CLCN3: variants seen among roughly 807,000 people sequenced by gnomAD.
The protein encoded by CLCN3 is Cl-/H+ antiporter 3.
Under a neutral mutation model 83.4 loss-of-function variants are expected in CLCN3, and 16 were observed. That is an observed-to-expected ratio of 0.19 (90% CI 0.13 to 0.29). The LOEUF (loss-of-function observed/expected upper bound fraction) is 0.29. Among genes scored for constraint, CLCN3 ranks in the 10% least tolerant of loss-of-function variants. The pLI is 1.00. For synonymous variants in CLCN3, 322 were observed against 346.2 expected, an observed-to-expected ratio of 0.93 and a Z score of 0.78; for missense variants, 544 against 1,006.0, an observed-to-expected ratio of 0.54 and a Z score of 6.21.
Position 169,636,735 on chromosome 4 carries a change from G to GTTGTTTT in CLCN3, c.160+649_160+650insGTTTTTT, listed in dbSNP as rs1553965336. 1.2e-3 allele frequency among the ~76,000 whole-genome samples: 139 copies of GTTGTTTT among 119,482 alleles called. 1 individual carries two copies. Among genetic ancestry groups the GTTGTTTT allele is most frequent in the East Asian group, 2.1e-3 (9 of 4,252 alleles). 78.4% of individuals were successfully genotyped at this position (119,482 alleles called of 152,430 possible). A position where few individuals can be genotyped will look rare whatever the true frequency, so the allele number is the denominator to read the frequency against. On this transcript the variant is annotated intron_variant, in intron 2 of 12. Transcript: ENST00000513761. The stretch of plus-strand genomic sequence containing the variant: ...TTCTACACTGATATTTCATTATTTG[G>GTTGTTTT]TTTTTTTTTTTTTTTTCATATTTTG...
chr4:169,704,089 A>G lies in CLCN3; in HGVS notation c.1655A>G (p.His552Arg), dbSNP rs1218902825. 1 of 1,613,960 alleles carries G rather than the reference A, an allele frequency of 6.2e-7. No homozygotes were observed. The highest frequency in any genetic ancestry group is 8.5e-7 in the Non-Finnish European group (1 of 1,180,004). Residue 552 changes from histidine (H) to arginine (R), a missense_variant, in exon 10 of 13, where the codon CAC (histidine) becomes CGC (arginine). Physicochemically the swap from His to Arg is conservative, Grantham distance 29. This residue lies in a region of CLCN3 where 194 missense variants were observed against 341.4 expected (regional missense o/e 0.57). Coordinates refer to ENST00000513761, the MANE Select transcript of CLCN3 (RefSeq NM_001829.4). ...GIAVEQLAYYHHDWFIFKEWC... is the reference protein window; with the variant it reads ...GIAVEQLAYYRHDWFIFKEWC... ...GCGGTGGAGCAGCTTGCCTACTATCACCACGACTGGTTTATCTTTAAGGAG... is the reference window on the plus strand; with the variant it reads ...GCGGTGGAGCAGCTTGCCTACTATCGCCACGACTGGTTTATCTTTAAGGAG...
At chr4:169,690,727 T>TTAC in intron 6 of CLCN3, 75 bp downstream of exon 6, 1 of 1,440,110 alleles carries the variant, frequency 6.9e-7, no homozygotes, top group Non-Finnish European at 9.4e-7. Flanking sequence ...ATAATAAAAG[T>TTAC]TGGCTTTTCT....
At chr4:169,655,521 G>T (rs1730855008) in intron 2 of CLCN3, among the ~76,000 whole-genome samples, 1 of 152,126 alleles carries the variant, frequency 6.6e-6, no homozygotes, top group Admixed American at 6.6e-5. Flanking sequence ...CTAAGATGGG[G>T]TCTTGCTCTA....
rs1345139986 is a variant in CLCN3, at chr4:169,708,618, G to T, written c.2149+1352G>T. 1.3e-5 allele frequency among the ~76,000 whole-genome samples: 2 copies of T among 152,032 alleles called. 1 individual carries two copies. Among genetic ancestry groups the T allele is most frequent in the East Asian group, 3.8e-4 (2 of 5,202 alleles). On this transcript the variant is annotated intron_variant, in intron 11 of 12. Transcript: ENST00000513761. ...AAAAGAAAAAGGAGGTCAGAATTTC[G>T]GTATTTACATAGAAATTTAAGGGGA...
Position 169,721,317 on chromosome 4 carries a change from G to T in CLCN3, c.*1320G>T, listed in dbSNP as rs975738189. ...GAGATATGAACAAAGTTTACAGTGG[G>T]AACAAAGGTTTAAAAAAAGGTTGTG... On this transcript the variant is annotated 3_prime_UTR_variant, in exon 13 of 13. Coordinates refer to ENST00000513761, the MANE Select transcript of CLCN3 (RefSeq NM_001829.4). 6.6e-6 allele frequency: 1 copy of T among 152,124 alleles called. No individual in the cohort carries two copies. Among genetic ancestry groups the T allele is most frequent in the Admixed American group, 6.6e-5 (1 of 15,262 alleles). 9.4% of individuals were successfully genotyped at this position (152,124 alleles called of 1,614,324 possible). A position where few individuals can be genotyped will look rare whatever the true frequency, so the allele number is the denominator to read the frequency against.
chr4:169,632,623 A>T (rs1369618526), intron 1 of CLCN3, among the ~76,000 whole-genome samples: 1 of 150,128 alleles, frequency 6.7e-6, no homozygotes, highest in African/African-American at 2.4e-5. Context: ...AGGCTGAGGC[A>T]GAAGAATGGC....
chr4:169,685,988 G>A (rs908646490), intron 3 of CLCN3, among the ~76,000 whole-genome samples: 10 of 152,084 alleles, frequency 6.6e-5, no homozygotes, highest in Middle Eastern at 3.2e-3. Context: ...AAATAGACCC[G>A]ATTCTTGAAA....
intron 2 of CLCN3, among the ~76,000 whole-genome samples, chr4:169,649,684 G>A (rs1426435858): frequency 6.6e-6 from 1 of 152,186 alleles, no homozygotes; most frequent in East Asian, 1.9e-4. Flanking sequence ...TGGTGCAAGA[G>A]CTTAATCATT....
At chr4:169,639,676 A>G (rs1371724326) in intron 2 of CLCN3, among the ~76,000 whole-genome samples, 1 of 152,224 alleles carries the variant, frequency 6.6e-6, no homozygotes, top group Non-Finnish European at 1.5e-5. Flanking sequence ...TTGGAGCCTC[A>G]CATTAGGTCT....
chr4:169,710,740 G>A (rs1042900342), intron 11 of CLCN3, among the ~76,000 whole-genome samples: 1 of 152,070 alleles, frequency 6.6e-6, no homozygotes, highest in African/African-American at 2.4e-5. Context: ...TACAGTGTTT[G>A]TTATTTTGTC....
chr4:169,622,533 A>G (rs1243243294), intron 1 of CLCN3, among the ~76,000 whole-genome samples: 1 of 152,188 alleles, frequency 6.6e-6, no homozygotes, highest in East Asian at 1.9e-4. Flanking sequence ...GTCAGCAGTG[A>G]TCTAAAATGT....
chr4:169,623,303 C>T lies in CLCN3; in HGVS notation c.-17+2240C>T, dbSNP rs999418586. Among the ~76,000 whole-genome samples, 10 of 152,098 alleles carry T rather than the reference C, an allele frequency of 6.6e-5. No homozygotes were observed. The East Asian group carries it at 9.6e-4, about 15-fold the overall frequency. ...GTTATATTTGTATGTGTGTTTATTC[C>T]GTTGTCCTCTTGAAAGCCTCTAGCA... is the stretch of plus-strand genomic sequence containing the variant. On this transcript the variant is annotated intron_variant, in intron 1 of 12. Transcript: ENST00000513761.
chr4:169,677,452 A>G (rs926546943), intron 2 of CLCN3, among the ~76,000 whole-genome samples: 1 of 152,232 alleles, frequency 6.6e-6, no homozygotes, highest in Non-Finnish European at 1.5e-5. Flanking sequence ...TGTGGCATCC[A>G]AAGCCTAAAA....
chr4:169,693,872 G>A (rs1000758174), intron 7 of CLCN3, among the ~76,000 whole-genome samples: 6 of 152,258 alleles, frequency 3.9e-5, no homozygotes, highest in African/African-American at 1.4e-4. Flanking sequence ...TGTCACCTTA[G>A]TGTATATATA....
At chr4:169,633,070 TG>T (rs1303921249) in intron 1 of CLCN3, among the ~76,000 whole-genome samples, 1 of 152,178 alleles carries the variant, frequency 6.6e-6, no homozygotes, top group Non-Finnish European at 1.5e-5. Context: ...TGGAGTGCAG[TG>T]GCATAATCTC....
intron 2 of CLCN3, among the ~76,000 whole-genome samples, chr4:169,662,231 A>G (rs563267557): frequency 4.0e-4 from 61 of 152,286 alleles, no homozygotes; most frequent in African/African-American, 1.5e-3. Context: ...TAGGATCTAA[A>G]TCAGTCCCAC....
Position 169,628,839 on chromosome 4 carries a change from G to A in CLCN3, c.-16-7074G>A, listed in dbSNP as rs575998690. 1.7e-4 allele frequency among the ~76,000 whole-genome samples: 26 copies of A among 152,292 alleles called. No individual in the cohort carries two copies. In the South Asian group the frequency reaches 5.0e-3, roughly 29 times the overall value. ...AAAGGCTATTCATTTTCAAAAACCTGTACATGCATGTTTGTAGCAGCTTTA... is the reference window on the plus strand; with the variant it reads ...AAAGGCTATTCATTTTCAAAAACCTATACATGCATGTTTGTAGCAGCTTTA... On this transcript the variant is annotated intron_variant, in intron 1 of 12. Transcript: ENST00000513761.
intron 2 of CLCN3, among the ~76,000 whole-genome samples, chr4:169,669,240 C>A (rs148030740): frequency 6.6e-6 from 1 of 152,006 alleles, no homozygotes; most frequent in African/African-American, 2.4e-5. Context: ...GACTTAAAAT[C>A]GTAAAAATTA....
chr4:169,649,120 A>G (rs1320387105), intron 2 of CLCN3, among the ~76,000 whole-genome samples: 1 of 152,142 alleles, frequency 6.6e-6, no homozygotes, highest in Non-Finnish European at 1.5e-5. Flanking sequence ...AACGAATACA[A>G]GTCAGGCATG....
Sources: gnomAD v4.1 joint callset for allele counts (sites outside exome capture counted in the v4.1 genomes callset) on GRCh38, gnomAD v4.1.1 for gene constraint, gnomAD v4.1.1 regional missense constraint, MANE v1.5 for transcripts, NCBI Gene and HGNC (gene_info 2026-07-23, HGNC 2026-07-21) for gene names.